The following TP53I11 variants were observed in gnomAD, a reference collection of about 807,000 sequenced individuals.
The protein encoded by TP53I11 is tumor protein p53-inducible protein 11.
Under a neutral mutation model 23.3 loss-of-function variants are expected in TP53I11, and 9 were observed. The observed-to-expected ratio is 0.39, with a 90% CI of 0.23 to 0.67. The LOEUF (loss-of-function observed/expected upper bound fraction) is 0.67. Among genes scored for constraint, TP53I11 ranks in the 30% least tolerant of loss-of-function variants. TP53I11 has a pLI of 0.48. For missense variants in TP53I11, 170 were observed against 255.2 expected, an observed-to-expected ratio of 0.67 and a Z score of 2.27; for synonymous variants, 100 against 106.1, an observed-to-expected ratio of 0.94 and a Z score of 0.35.
intron 1 of TP53I11, 147 bp from the exon 2 acceptor site, chr11:44,938,513 G>A: frequency 2.1e-6 from 2 of 940,352 alleles, no homozygotes; most frequent in Non-Finnish European, 3.0e-6. Flanking sequence ...AGTACAGCTG[G>A]CTTCCTTGTC....
At chr11:44,937,096 T>A in intron 4 of TP53I11, 197 bp from the exon 5 acceptor site, 1 of 748,614 alleles carries the variant, frequency 1.3e-6, no homozygotes, top group Non-Finnish European at 2.2e-6. Flanking sequence ...GGAGAAGGAG[T>A]CAGGCCACAA....
At position 44,934,796 on chromosome 11, in the gene TP53I11, C is replaced by T; in HGVS notation, c.*88G>A. ...GCAGGACTGGGGCAGGGCAGGGGAC[C>T]CTCCTGCCTTCCAGGAGCCAAAGGG... On this transcript the variant is annotated 3_prime_UTR_variant, in exon 7 of 7. Transcript: ENST00000525680. The T allele has an allele frequency of 3.2e-6, 5 of 1,559,274 alleles. No individual in the cohort carries two copies. The highest frequency in any genetic ancestry group is 4.4e-6 in the Non-Finnish European group (5 of 1,145,756).
chr11:44,933,930 G>A lies in TP53I11; in HGVS notation c.*954C>T, dbSNP rs186923317. 4 of 152,598 alleles carry A rather than the reference G, an allele frequency of 2.6e-5. No homozygotes were observed. The highest frequency in any genetic ancestry group is 2.6e-4 in the Admixed American group (4 of 15,308). 9.5% of individuals were successfully genotyped at this position (152,598 alleles called of 1,614,324 possible). On this transcript the variant is annotated 3_prime_UTR_variant, in exon 7 of 7. Coordinates refer to ENST00000525680, the MANE Select transcript of TP53I11 (RefSeq NM_006034.5). ...TGCCAAGGGGCAAGAGAGCGCTATG[G>A]CTTTCCTTCTGTTCCTCCTCTCCCA... is the stretch of plus-strand genomic sequence containing the variant.
chr11:44,934,786 G>C lies in TP53I11; in HGVS notation c.*98C>G, dbSNP rs909949240. 5 of 1,541,406 alleles carry C rather than the reference G, an allele frequency of 3.2e-6. No individual in the cohort carries two copies. Among genetic ancestry groups the C allele is most frequent in the Non-Finnish European group, 3.5e-6 (4 of 1,137,750 alleles). On this transcript the variant is annotated 3_prime_UTR_variant, in exon 7 of 7. Transcript: ENST00000525680. ...CCTCCCTGGGGCAGGACTGGGGCAG[G>C]GCAGGGGACCCTCCTGCCTTCCAGG...
rs1314447253 is a variant in TP53I11, at chr11:44,934,956, G to A, written c.498C>T (p.Val166=). The change falls in exon 7 of 7, where the codon GTC becomes GTT. Residue 166 remains valine (V), a synonymous_variant. Transcript: ENST00000525680. ...LMSLGILLLL[V]SRLLFVVISI... is the part of the protein sequence containing the mutation. ...TGATGACGACAAAAAGGAGGCGGCTGACCAGGAGCAGCAGGATCCCCAGGG... is the reference window on the plus strand; with the variant it reads ...TGATGACGACAAAAAGGAGGCGGCTAACCAGGAGCAGCAGGATCCCCAGGG... The A allele has an allele frequency of 3.1e-6, 5 of 1,614,108 alleles. No homozygotes were observed. The highest frequency in any genetic ancestry group is 4.2e-6 in the Non-Finnish European group (5 of 1,180,006).
intron 2 of TP53I11, among the ~76,000 whole-genome samples, chr11:44,937,932 C>T (rs1395921608): frequency 6.6e-6 from 1 of 152,218 alleles, no homozygotes; most frequent in Non-Finnish European, 1.5e-5. Context: ...GCCTTTGTTT[C>T]CTCATCTATA....
rs1475311637 is a variant in TP53I11, at chr11:44,932,675, T to TGTC, written c.*2206_*2208dup. On this transcript the variant is annotated 3_prime_UTR_variant, in exon 7 of 7. Transcript: ENST00000525680. ...CCCCCTGCCCTCCAAGCTGTACGTC[T>TGTC]GTCTTCCAGATCTTACCTGACCTGC... 1 of 152,466 alleles carries TGTC rather than the reference T, an allele frequency of 6.6e-6. No individual in the cohort carries two copies. Among genetic ancestry groups the TGTC allele is most frequent in the Non-Finnish European group, 1.5e-5 (1 of 68,156 alleles). The allele number at this position is 152,466 out of a possible 1,614,324, so 9.4% of individuals were successfully genotyped here.
chr11:44,943,967 A>G (rs1023984545), intron 1 of TP53I11, among the ~76,000 whole-genome samples: 1 of 152,096 alleles, frequency 6.6e-6, no homozygotes, highest in Non-Finnish European at 1.5e-5. Context: ...GGCCACATGG[A>G]AGCTGGTGGC....
rs900833493 is a variant in TP53I11 at position 44,949,729 on chromosome 11, G to C, written c.-32+948C>G. ...GGGTAGGTGCGAGTGTTCTGCCCACGGCAGGGGCCCTAACCCACCCAGCGC... is the reference window on the plus strand; with the variant it reads ...GGGTAGGTGCGAGTGTTCTGCCCACCGCAGGGGCCCTAACCCACCCAGCGC... On this transcript the variant is annotated intron_variant, in intron 1 of 6. Transcript: ENST00000525680. Among the ~76,000 whole-genome samples, 4 of 152,118 alleles carry C rather than the reference G, an allele frequency of 2.6e-5. No individual in the cohort carries two copies. The South Asian group carries it at 8.3e-4, about 31-fold the overall frequency.
chr11:44,937,729 C>A, intron 2 of TP53I11, 116 bp from the exon 3 acceptor site: 1 of 1,055,872 alleles, frequency 9.5e-7, no homozygotes, highest in South Asian at 1.4e-5. Context: ...CTCAGCTTGG[C>A]CAAAGGTTCC....
intron 2 of TP53I11, among the ~76,000 whole-genome samples, 154 bp from the exon 3 acceptor site, chr11:44,937,767 AC>A (rs1353940272): frequency 1.3e-5 from 2 of 151,912 alleles, no homozygotes; most frequent in Non-Finnish European, 2.9e-5. Context: ...ACATGAGGCC[AC>A]CCCCTCTCCT....
At chr11:44,940,761 A>C (rs1255782023) in intron 1 of TP53I11, 1 of 152,166 alleles carries the variant, frequency 6.6e-6, no homozygotes, top group East Asian at 1.9e-4. Context: ...TGTAAATGCC[A>C]GGGGTGGAAT....
At chr11:44,946,468 G>A (rs1862403846) in intron 1 of TP53I11, among the ~76,000 whole-genome samples, 1 of 152,254 alleles carries the variant, frequency 6.6e-6, no homozygotes, top group Admixed American at 6.5e-5. Flanking sequence ...TGGGCTCAGT[G>A]TCCAGGCTGC....
At chr11:44,937,735 G>C (rs999724732) in intron 2 of TP53I11, 122 bp from the exon 3 acceptor site, 4 of 981,344 alleles carry the variant, frequency 4.1e-6, no homozygotes, top group Non-Finnish European at 6.2e-6. Flanking sequence ...TTGGCCAAAG[G>C]TTCCCCCAGG....
chr11:44,945,116 G>A (rs71491856), intron 1 of TP53I11, among the ~76,000 whole-genome samples: 19,945 of 152,184 alleles, frequency 0.13, 1,410 homozygotes, highest in East Asian at 0.18. Context: ...TGAGTCAAGG[G>A]GGAGTCACTG....
chr11:44,940,127 G>A (rs147729888), intron 1 of TP53I11, among the ~76,000 whole-genome samples: 3 of 152,362 alleles, frequency 2.0e-5, no homozygotes, highest in Non-Finnish European at 2.9e-5. Context: ...AATTAGCCAC[G>A]TCCCTCCCGT....
chr11:44,948,891 A>C (rs1319657723), intron 1 of TP53I11, among the ~76,000 whole-genome samples: 1 of 152,208 alleles, frequency 6.6e-6, no homozygotes, highest in East Asian at 1.9e-4. Flanking sequence ...GAGAAGCCAC[A>C]AGGGGCCTGG....
chr11:44,942,413 CCA>C (rs1332910589), intron 1 of TP53I11, among the ~76,000 whole-genome samples: 32 of 141,578 alleles, frequency 2.3e-4, no homozygotes, highest in African/African-American at 8.0e-4. Context: ...CACACACACA[CCA>C]CACACACACA....
chr11:44,935,142 A>G, intron 6 of TP53I11, 125 bp from the exon 7 acceptor site: 1 of 1,425,478 alleles, frequency 7.0e-7, no homozygotes, highest in Non-Finnish European at 9.6e-7. Context: ...GGATCCTCCC[A>G]GGTGGGAAGC....
Sources: gnomAD v4.1 joint callset for allele counts (sites outside exome capture counted in the v4.1 genomes callset) on GRCh38, gnomAD v4.1.1 for gene constraint, MANE v1.5 for transcripts, NCBI Gene and HGNC (gene_info 2026-07-23, HGNC 2026-07-21) for gene names.